Variants in RAD51C observed in about 807,000 individuals in gnomAD.
The protein encoded by RAD51C is RAD51 paralog C.
RAD51C carries 42 observed loss-of-function variants against 45.0 expected under a neutral mutation model. The ratio of observed to expected loss-of-function variants is 0.93; its 90% CI spans 0.73 to 1.21. The LOEUF is 1.21. Ranked by LOEUF, RAD51C falls within the 50% of genes most tolerant of loss-of-function variation. RAD51C has a pLI of 0.00. For synonymous variants in RAD51C, 172 were observed against 159.8 expected, an observed-to-expected ratio of 1.08 and a Z score of -0.58; for missense variants, 474 against 452.2, an observed-to-expected ratio of 1.05 and a Z score of -0.44.
At chr17:58,693,428 C>T (rs1960644415) in intron 1 of RAD51C, 1 of 156,132 alleles carries the variant, frequency 6.4e-6, no homozygotes, top group Non-Finnish European at 1.4e-5. Flanking sequence ...GTGCACATCT[C>T]TCTATGACAT....
intron 3 of RAD51C, among the ~76,000 whole-genome samples, chr17:58,701,464 C>T (rs887457549): frequency 2.0e-5 from 3 of 151,126 alleles, no homozygotes; most frequent in African/African-American, 7.3e-5. Context: ...GCTGAGATCA[C>T]GGCACTGCAC....
chr17:58,713,372 G>C (rs1031204153), intron 5 of RAD51C, among the ~76,000 whole-genome samples: 1 of 151,844 alleles, frequency 6.6e-6, no homozygotes, highest in Non-Finnish European at 1.5e-5. Context: ...ACAGGGTCTC[G>C]CTCTGTCATC....
chr17:58,695,421 A>C, intron 2 of RAD51C: 1 of 1,173,542 alleles, frequency 8.5e-7, no homozygotes, highest in Non-Finnish European at 1.1e-6. Flanking sequence ...ATTGTACTGC[A>C]GTCATAAGGT....
At chr17:58,692,865 C>T (rs2143684861) in intron 1 of RAD51C, 77 bp downstream of exon 1, 1 of 1,603,768 alleles carries the variant, frequency 6.2e-7, no homozygotes, top group South Asian at 1.1e-5. Flanking sequence ...CTCGCCTCGG[C>T]CTTCAGCCCA....
chr17:58,725,523 G>C (rs2049087486), intron 7 of RAD51C, among the ~76,000 whole-genome samples: 1 of 152,036 alleles, frequency 6.6e-6, no homozygotes. Flanking sequence ...AAAATAATAG[G>C]AACAGAGCAA....
Position 58,734,399 on chromosome 17 carries a change from T to A in RAD51C, c.*177T>A. ...TTCTGTGAAAGTTTTTCTAAAGCAGTATTCTGCAATTATATTTTACCCTGT... is the reference window on the plus strand; with the variant it reads ...TTCTGTGAAAGTTTTTCTAAAGCAGAATTCTGCAATTATATTTTACCCTGT... On this transcript the variant is annotated 3_prime_UTR_variant, in exon 9 of 9. Transcript: ENST00000337432. 1 of 1,049,436 alleles carries A rather than the reference T, an allele frequency of 9.5e-7. No homozygotes were observed. The highest frequency in any genetic ancestry group is 1.3e-6 in the Non-Finnish European group (1 of 741,366). The allele number at this position is 1,049,436 out of a possible 1,614,324, so 65.0% of individuals were successfully genotyped here. A position where few individuals can be genotyped will look rare whatever the true frequency, so the allele number is the denominator to read the frequency against.
chr17:58,721,008 G>C (rs1275395073), intron 6 of RAD51C, among the ~76,000 whole-genome samples, 196 bp downstream of exon 6: 1 of 152,176 alleles, frequency 6.6e-6, no homozygotes, highest in African/African-American at 2.4e-5. Context: ...TGAGTGGCCA[G>C]ACACAGTGTC....
At chr17:58,703,068 T>G in intron 3 of RAD51C, 128 bp from the exon 4 acceptor site, 1 of 1,003,214 alleles carries the variant, frequency 1.0e-6, no homozygotes, top group Non-Finnish European at 1.5e-6. Flanking sequence ...TGCTATAATT[T>G]GTCATCTTTC....
chr17:58,705,436 C>A (rs2048347346), intron 4 of RAD51C, among the ~76,000 whole-genome samples: 1 of 151,614 alleles, frequency 6.6e-6, no homozygotes, highest in African/African-American at 2.4e-5. Flanking sequence ...CGGATTCAAG[C>A]GATTCTCCTG....
At chr17:58,707,211 A>G (rs1271536841) in intron 4 of RAD51C, among the ~76,000 whole-genome samples, 1 of 152,088 alleles carries the variant, frequency 6.6e-6, no homozygotes, top group Non-Finnish European at 1.5e-5. Flanking sequence ...CTTGTTCCTC[A>G]TTTCTGTATA....
At chr17:58,705,113 A>AGC (rs140653274) in intron 4 of RAD51C, among the ~76,000 whole-genome samples, 1 of 20,700 alleles carries the variant, frequency 4.8e-5, no homozygotes, top group African/African-American at 2.9e-4. Flanking sequence ...CCTGGGAGAC[A>AGC]GAGAGACTCT....
In RAD51C at chr17:58,709,844, C is replaced by A; in HGVS notation, c.706-15C>A. ...TTTTTCGTAACAAATCTAATATTAT[C>A]TCTTCTGTATTTAGGTTCGACTAGT... On this transcript the variant is annotated splice_polypyrimidine_tract_variant and intron_variant, in intron 4 of 8. Coordinates refer to ENST00000337432, the MANE Select transcript of RAD51C (RefSeq NM_058216.3). 1 of 1,595,332 alleles carries A rather than the reference C, an allele frequency of 6.3e-7. No individual in the cohort carries two copies. Among genetic ancestry groups the A allele is most frequent in the South Asian group, 1.1e-5 (1 of 90,628 alleles).
intron 6 of RAD51C, among the ~76,000 whole-genome samples, chr17:58,721,482 A>C (rs1020828266): frequency 2.0e-5 from 3 of 152,176 alleles, no homozygotes; most frequent in Non-Finnish European, 2.9e-5. Context: ...AGTCTTGGCC[A>C]GGTACAGTGG....
Position 58,702,188 on chromosome 17 carries a change from G to T in RAD51C, c.572-1008G>T, listed in dbSNP as rs926393952. 2.0e-5 allele frequency among the ~76,000 whole-genome samples: 3 copies of T among 151,486 alleles called. No individual in the cohort carries two copies. The South Asian group carries it at 6.3e-4, about 32-fold the overall frequency. ...TTTCTGTATTTTTTGCAGAGATGGG[G>T]TTTTCCATGTTGCCCAGGCTGCCGT... On this transcript the variant is annotated intron_variant, in intron 3 of 8. Coordinates refer to ENST00000337432, the MANE Select transcript of RAD51C (RefSeq NM_058216.3).
chr17:58,707,453 T>G (rs1187863401), intron 4 of RAD51C, among the ~76,000 whole-genome samples: 1 of 148,802 alleles, frequency 6.7e-6, no homozygotes, highest in East Asian at 2.0e-4. Flanking sequence ...ACCAGGGAGG[T>G]GGAGGTTGCA....
At chr17:58,705,194 C>A (rs34351230) in intron 4 of RAD51C, among the ~76,000 whole-genome samples, 28,189 of 151,740 alleles carry the variant, frequency 0.19, 2,788 homozygotes, top group Non-Finnish European at 0.21. Flanking sequence ...AGTTCTGGAG[C>A]CTAAAAGTTC....
intron 7 of RAD51C, among the ~76,000 whole-genome samples, chr17:58,727,576 G>A (rs2049216898): frequency 6.6e-6 from 1 of 150,910 alleles, no homozygotes; most frequent in African/African-American, 2.4e-5. Context: ...TTTTTTTCGG[G>A]CTGTGGATAT....
chr17:58,704,220 G>A (rs1048086082), intron 4 of RAD51C, among the ~76,000 whole-genome samples: 2 of 151,758 alleles, frequency 1.3e-5, no homozygotes, highest in African/African-American at 2.4e-5. Flanking sequence ...ACCTGATCAC[G>A]TTCCTCATTC....
At chr17:58,704,199 G>A (rs1273717331) in intron 4 of RAD51C, among the ~76,000 whole-genome samples, 2 of 151,942 alleles carry the variant, frequency 1.3e-5, no homozygotes, top group African/African-American at 4.8e-5. Context: ...GATAGTCTGA[G>A]CACCTTTGAT....
Sources: allele counts gnomAD v4.1 joint callset (sites outside exome capture counted in the v4.1 genomes callset), GRCh38; gene constraint gnomAD v4.1.1; transcripts MANE v1.5; gene names NCBI Gene and HGNC (gene_info 2026-07-23, HGNC 2026-07-21).